Variants in TMEM242 observed in about 807,000 individuals in gnomAD.
TMEM242 encodes transmembrane protein 242, also known as UPF0463 transmembrane protein C6orf35.
A neutral mutation model predicts 18.2 loss-of-function variants in TMEM242; 10 were observed. That is an observed-to-expected ratio of 0.55 (90% CI 0.34 to 0.93). The LOEUF (loss-of-function observed/expected upper bound fraction) is 0.93, where lower values mean the gene tolerates loss of function less well. Among genes scored for constraint, TMEM242 ranks in the 40% least tolerant of loss-of-function variants. TMEM242 has a pLI of 0.02. For missense variants in TMEM242, 186 were observed against 175.5 expected (o/e 1.06, Z -0.34); for synonymous variants, 57 against 69.9 (o/e 0.81, Z 0.92).
intron 3 of TMEM242, among the ~76,000 whole-genome samples, chr6:157,294,585 C>T (rs1190998451): frequency 3.3e-5 from 5 of 151,684 alleles, no homozygotes; most frequent in South Asian, 2.1e-4. Flanking sequence ...CTCCTGACCT[C>T]GTGATCCGCC....
intron 3 of TMEM242, among the ~76,000 whole-genome samples, chr6:157,317,733 T>G (rs1326163879): frequency 6.6e-6 from 1 of 152,110 alleles, no homozygotes; most frequent in African/African-American, 2.4e-5. Context: ...TCCCAATACC[T>G]CCTTTTCTCA....
Position 157,290,685 on chromosome 6 carries a change from A to C in TMEM242, c.*2216T>G, listed in dbSNP as rs1777673123. ...GATATTCAAGTTCTGACTGTGAAAAACACCACTTGAGTCATACTGCTTGTT... is the reference window on the plus strand; with the variant it reads ...GATATTCAAGTTCTGACTGTGAAAACCACCACTTGAGTCATACTGCTTGTT... On this transcript the variant is annotated 3_prime_UTR_variant, in exon 4 of 4. Coordinates refer to ENST00000400788, the MANE Select transcript of TMEM242 (RefSeq NM_018452.6). 6.6e-6 allele frequency: 1 copy of C among 152,216 alleles called. No individual in the cohort carries two copies. The highest frequency in any genetic ancestry group is 1.5e-5 in the Non-Finnish European group (1 of 68,036). 9.4% of individuals were successfully genotyped at this position (152,216 alleles called of 1,614,324 possible). A position where few individuals can be genotyped will look rare whatever the true frequency, so the allele number is the denominator to read the frequency against.
At chr6:157,313,335 A>G (rs1554249706) in intron 3 of TMEM242, among the ~76,000 whole-genome samples, 10 of 151,488 alleles carry the variant, frequency 6.6e-5, no homozygotes, top group East Asian at 1.9e-4. Flanking sequence ...TGGCCTCATC[A>G]TAGTGCCCCA....
chr6:157,295,349 C>T (rs182250532), intron 3 of TMEM242, among the ~76,000 whole-genome samples: 4 of 152,346 alleles, frequency 2.6e-5, no homozygotes, highest in African/African-American at 7.2e-5. Flanking sequence ...AGGAACTTTG[C>T]ATAGACTTTT....
chr6:157,304,462 C>CAAAAAAA (rs782782714), intron 3 of TMEM242, among the ~76,000 whole-genome samples: 3 of 67,260 alleles, frequency 4.5e-5, no homozygotes, highest in Non-Finnish European at 8.2e-5. Flanking sequence ...GAGACTCTGT[C>CAAAAAAA]AAAAAAAAAA....
chr6:157,308,320 T>G (rs1554248068), intron 3 of TMEM242, among the ~76,000 whole-genome samples: 1 of 152,224 alleles, frequency 6.6e-6, no homozygotes, highest in Non-Finnish European at 1.5e-5. Flanking sequence ...GAAATTTGAT[T>G]GTAATTATTA....
chr6:157,303,431 T>G (rs1312939741), intron 3 of TMEM242, among the ~76,000 whole-genome samples: 2 of 152,214 alleles, frequency 1.3e-5, no homozygotes, highest in African/African-American at 2.4e-5. Context: ...AGCTAAAAGA[T>G]TTTGTGGCTA....
chr6:157,310,619 C>G (rs1554248351), intron 3 of TMEM242, among the ~76,000 whole-genome samples: 9 of 152,110 alleles, frequency 5.9e-5, no homozygotes, highest in African/African-American at 1.9e-4. Context: ...TGTGCCCTCA[C>G]CTAGCCTCAT....
intron 1 of TMEM242, 55 bp from the exon 2 acceptor site, chr6:157,322,860 G>T: frequency 2.8e-6 from 4 of 1,452,282 alleles, no homozygotes; most frequent in Non-Finnish European, 3.8e-6. Flanking sequence ...AATAAAAAGA[G>T]GTTAAAAAGA....
At position 157,289,423 on chromosome 6, in the gene TMEM242, A is replaced by G. The variant is rs1777654706; in HGVS notation, c.*3478T>C. 6.6e-6 allele frequency: 1 copy of G among 152,228 alleles called. No homozygotes were observed. The highest frequency in any genetic ancestry group is 1.9e-4 in the East Asian group (1 of 5,196). 9.4% of individuals were successfully genotyped at this position (152,228 alleles called of 1,614,324 possible). A position where few individuals can be genotyped will look rare whatever the true frequency, so the allele number is the denominator to read the frequency against. ...CATTTAATGACTCTTGGCAGAAAGC[A>G]AAAACACTTCACTTGAACATGGTAT... On this transcript the variant is annotated 3_prime_UTR_variant, in exon 4 of 4. Transcript: ENST00000400788.
At chr6:157,308,951 G>T (rs1777953899) in intron 3 of TMEM242, among the ~76,000 whole-genome samples, 1 of 152,206 alleles carries the variant, frequency 6.6e-6, no homozygotes, top group South Asian at 2.1e-4. Context: ...TGTGCAAGGA[G>T]ATGTATGCCT....
At chr6:157,312,197 T>G (rs1554249162) in intron 3 of TMEM242, among the ~76,000 whole-genome samples, 7,577 of 140,824 alleles carry the variant, frequency 0.054, 7 homozygotes, top group Non-Finnish European at 0.061. Flanking sequence ...AGTGTCCCAG[T>G]GTGCACTGAG....
At position 157,289,245 on chromosome 6, in the gene TMEM242, A is replaced by G. The variant is rs1467061835; in HGVS notation, c.*3656T>C. Reference sequence around the variant, plus strand: ...TTTCTCCAAAACTGAGTTATCTGCCATCACACAAAATTTGCTAACAGCCTC... The same window carrying G: ...TTTCTCCAAAACTGAGTTATCTGCCGTCACACAAAATTTGCTAACAGCCTC... On this transcript the variant is annotated 3_prime_UTR_variant, in exon 4 of 4. Coordinates refer to ENST00000400788, the MANE Select transcript of TMEM242 (RefSeq NM_018452.6). 4.6e-5 allele frequency: 7 copies of G among 152,220 alleles called. No homozygotes were observed. The highest frequency in any genetic ancestry group is 1.7e-4 in the African/African-American group (7 of 41,444). The allele number at this position is 152,220 out of a possible 1,614,324, so 9.4% of individuals were successfully genotyped here.
At chr6:157,299,675 C>T (rs782141032) in intron 3 of TMEM242, 223 of 1,610,370 alleles carry the variant, frequency 1.4e-4, no homozygotes, top group South Asian at 1.9e-4. Flanking sequence ...GGCCACATTT[C>T]GCTGGACTAA....
intron 3 of TMEM242, among the ~76,000 whole-genome samples, chr6:157,313,289 T>G (rs75652645): frequency 1.4e-3 from 4 of 2,814 alleles, no homozygotes; most frequent in Admixed American, 4.4e-3. Flanking sequence ...TGTGCGCTCA[T>G]CCGGCATCAT....
chr6:157,304,325 G>A (rs1777874667), intron 3 of TMEM242, among the ~76,000 whole-genome samples: 1 of 151,774 alleles, frequency 6.6e-6, no homozygotes, highest in Non-Finnish European at 1.5e-5. Flanking sequence ...AATCAGTCGG[G>A]CATGGTGGTG....
chr6:157,304,303 A>C (rs1191675793), intron 3 of TMEM242, among the ~76,000 whole-genome samples: 1 of 151,790 alleles, frequency 6.6e-6, no homozygotes, highest in Non-Finnish European at 1.5e-5. Context: ...CCGTCTCTAC[A>C]AAAAATACAA....
intron 3 of TMEM242, among the ~76,000 whole-genome samples, chr6:157,306,981 G>A (rs1322140024): frequency 1.3e-5 from 2 of 152,164 alleles, no homozygotes; most frequent in African/African-American, 4.8e-5. Flanking sequence ...ATCCATTTGA[G>A]AGAACATCAT....
rs587656880 is a variant in TMEM242 at position 157,290,577 on chromosome 6, C to T, written c.*2324G>A. On this transcript the variant is annotated 3_prime_UTR_variant, in exon 4 of 4. Coordinates refer to ENST00000400788, the MANE Select transcript of TMEM242 (RefSeq NM_018452.6). ...TACGTCTCATAAAGAATAACATTAT[C>T]TGTTCAACATTTTTCCTTTCCATTA... 2 of 152,326 alleles carry T rather than the reference C, an allele frequency of 1.3e-5. No homozygotes were observed. Among genetic ancestry groups the T allele is most frequent in the East Asian group, 3.9e-4 (2 of 5,182 alleles). 9.4% of individuals were successfully genotyped at this position (152,326 alleles called of 1,614,324 possible).
Sources: allele counts gnomAD v4.1 joint callset (sites outside exome capture counted in the v4.1 genomes callset), GRCh38; gene constraint gnomAD v4.1.1; transcripts MANE v1.5; gene names NCBI Gene and HGNC (gene_info 2026-07-23, HGNC 2026-07-21).